Variants in TCF3 observed in about 807,000 individuals in gnomAD.
TCF3 encodes the protein transcription factor E2-alpha.
A neutral mutation model predicts 72.3 loss-of-function variants in TCF3; 54 were observed. The ratio of observed to expected loss-of-function variants is 0.75; its 90% CI spans 0.60 to 0.94. TCF3 has a LOEUF of 0.94. Ranked by LOEUF, TCF3 falls within the 40% of genes least tolerant of loss-of-function variation. The pLI is 0.00. For synonymous variants in TCF3, 525 were observed against 412.6 expected (o/e 1.27, Z -3.30); for missense variants, 1,078 against 934.4 (o/e 1.15, Z -2.00).
intron 3 of TCF3, among the ~76,000 whole-genome samples, chr19:1,641,915 T>A (rs867771120): frequency 2.6e-5 from 4 of 151,978 alleles, no homozygotes; most frequent in Non-Finnish European, 4.4e-5. Context: ...CATATTTTTT[T>A]AATTAGGTGG....
chr19:1,629,223 T>C (rs112650181), intron 5 of TCF3, among the ~76,000 whole-genome samples: 1 of 151,888 alleles, frequency 6.6e-6, no homozygotes, highest in African/African-American at 2.4e-5. Context: ...GCTGATGCCC[T>C]GGGGTGCTGG....
At chr19:1,644,647 G>A (rs1450323986) in intron 3 of TCF3, among the ~76,000 whole-genome samples, 2 of 152,188 alleles carry the variant, frequency 1.3e-5, no homozygotes, top group South Asian at 4.1e-4. Flanking sequence ...TGCTGGGACC[G>A]GGCTGGGCGT....
chr19:1,642,366 T>C (rs184513064), intron 3 of TCF3, among the ~76,000 whole-genome samples: 1 of 152,246 alleles, frequency 6.6e-6, no homozygotes, highest in East Asian at 1.9e-4. Flanking sequence ...GATCAGGATC[T>C]GTGGACGGCA....
At chr19:1,648,035 C>CTGT in intron 2 of TCF3, among the ~76,000 whole-genome samples, 1 of 152,200 alleles carries the variant, frequency 6.6e-6, no homozygotes, top group East Asian at 1.9e-4. Flanking sequence ...GCCTGGGACC[C>CTGT]AGGCAGGGCA....
chr19:1,646,099 C>T (rs1401446423), intron 3 of TCF3, among the ~76,000 whole-genome samples: 1 of 152,148 alleles, frequency 6.6e-6, no homozygotes, highest in Non-Finnish European at 1.5e-5. Flanking sequence ...CCCACCCAGC[C>T]CCCAGACCCA....
intron 9 of TCF3, 23 bp downstream of exon 9, chr19:1,622,290 C>T (rs772468093): frequency 1.5e-5 from 23 of 1,505,244 alleles, no homozygotes; most frequent in South Asian, 9.2e-5. Context: ...CCGTCCCTGG[C>T]GAGCCCCCGC....
Position 1,632,141 on chromosome 19 carries a change from G to A in TCF3, c.220-25C>T, listed in dbSNP as rs1171052179. 7 of 1,608,430 alleles carry A rather than the reference G, an allele frequency of 4.4e-6. No homozygotes were observed. In the Admixed American group the frequency reaches 1.0e-4, roughly 23 times the overall value. On this transcript the variant is annotated intron_variant, in intron 4 of 18. Coordinates refer to ENST00000262965, the MANE Select transcript of TCF3 (RefSeq NM_003200.5). ...TCTAGGGGAGATGGGGTGGGGATGA[G>A]AGGTGCTGGGGCTTCACAGGCCCCC... is the stretch of plus-strand genomic sequence containing the variant.
intron 1 of TCF3, 31 bp from the exon 2 acceptor site, chr19:1,650,318 G>A (rs746998727): frequency 1.4e-6 from 2 of 1,424,460 alleles, no homozygotes; most frequent in Non-Finnish European, 9.6e-7. Flanking sequence ...CAGATGGACA[G>A]GGAGAAACAG....
At chr19:1,636,907 A>C (rs1464785727) in intron 3 of TCF3, among the ~76,000 whole-genome samples, 2 of 152,130 alleles carry the variant, frequency 1.3e-5, no homozygotes, top group Non-Finnish European at 2.9e-5. Context: ...GAGCAGACAA[A>C]CCTGAGGCTG....
At position 1,621,125 on chromosome 19, in the gene TCF3, C is replaced by T. The variant is rs372607761; in HGVS notation, c.1014+8G>A. The T allele has an allele frequency of 8.6e-5, 133 of 1,539,406 alleles. No homozygotes were observed. Among genetic ancestry groups the T allele is most frequent in the Middle Eastern group, 5.0e-4 (3 of 5,958 alleles). On this transcript the variant is annotated splice_region_variant and intron_variant, in intron 12 of 18. Transcript: ENST00000262965. Reference sequence around the variant, plus strand: ...TTGCCTGGCCACCCCCCATGCCCCACGCCTCACCGAGGCCAGTGCTTTGCC... The same window carrying T: ...TTGCCTGGCCACCCCCCATGCCCCATGCCTCACCGAGGCCAGTGCTTTGCC...
At chr19:1,648,922 G>A (rs540751260) in intron 2 of TCF3, among the ~76,000 whole-genome samples, 2 of 151,948 alleles carry the variant, frequency 1.3e-5, no homozygotes, top group East Asian at 1.9e-4. Context: ...TGGCCCCACT[G>A]TACCAGCAGG....
intron 1 of TCF3, chr19:1,651,457 G>C (rs1014348150): frequency 4.4e-6 from 1 of 225,164 alleles, no homozygotes; most frequent in Non-Finnish European, 8.8e-6. Context: ...GACTTTTTTT[G>C]AGGACTACGA....
Position 1,614,472 on chromosome 19 carries a change from G to A in TCF3, c.1822+813C>T, listed in dbSNP as rs1206274301. On this transcript the variant is annotated intron_variant, in intron 18 of 18. Coordinates refer to ENST00000262965, the MANE Select transcript of TCF3 (RefSeq NM_003200.5). This position sits in a 1 kb window ranked among gnomAD's most constrained non-coding sequence, Gnocchi z 5.6. ...GAGGGACGGACGGGCGGGATGGAGG[G>A]GAGGGCGGAAGGCAGACAGCAGAGA... Among the ~76,000 whole-genome samples the A allele has an allele frequency of 6.6e-6, 1 of 152,208 alleles. No individual in the cohort carries two copies. The highest frequency in any genetic ancestry group is 6.5e-5 in the Admixed American group (1 of 15,282).
intron 14 of TCF3, 135 bp from the exon 15 acceptor site, chr19:1,619,609 C>T: frequency 2.9e-6 from 4 of 1,365,688 alleles, no homozygotes; most frequent in Non-Finnish European, 3.9e-6. Flanking sequence ...TGCCAGGCAT[C>T]TGGCGCCCGG....
intron 3 of TCF3, among the ~76,000 whole-genome samples, chr19:1,644,628 G>A (rs1485677665): frequency 6.6e-6 from 1 of 152,216 alleles, no homozygotes; most frequent in East Asian, 1.9e-4. Flanking sequence ...GCAAACATTG[G>A]CAGGTTCCTG....
chr19:1,630,537 T>A (rs2144822395), intron 5 of TCF3, among the ~76,000 whole-genome samples: 1 of 152,146 alleles, frequency 6.6e-6, no homozygotes, highest in East Asian at 1.9e-4. Context: ...AAGCCAACAA[T>A]GCCGAGGGGT....
rs1446315840 is a variant in TCF3 at position 1,614,119 on chromosome 19, A to G, written c.1822+1166T>C. Among the ~76,000 whole-genome samples the G allele has an allele frequency of 2.0e-5, 3 of 152,348 alleles. No individual in the cohort carries two copies. The highest frequency in any genetic ancestry group is 4.4e-5 in the Non-Finnish European group (3 of 68,028). On this transcript the variant is annotated intron_variant, in intron 18 of 18. Transcript: ENST00000262965. The surrounding 1 kb of genome is among the most constrained non-coding windows in gnomAD (Gnocchi z 5.6). ...GCACCCACTGCTCTAGGTTGTGGTG[A>G]AGATGAAATGGGTGAAGGTCTGGCC... is the stretch of plus-strand genomic sequence containing the variant.
chr19:1,644,814 C>T (rs558410195), intron 3 of TCF3, among the ~76,000 whole-genome samples: 1 of 150,524 alleles, frequency 6.6e-6, no homozygotes, highest in South Asian at 2.1e-4. Flanking sequence ...ACCCCACCCT[C>T]CCCACCAGGC....
rs140361937 is a variant in TCF3, at chr19:1,639,472, G to A, written c.145+6883C>T. On this transcript the variant is annotated intron_variant, in intron 3 of 18. Transcript: ENST00000262965. ...GAGAAACCGACAAACAGAACAGAGG[G>A]GGATGGCGCTGCTCTCAGCCTGACA... Among the ~76,000 whole-genome samples, 11 of 152,184 alleles carry A rather than the reference G, an allele frequency of 7.2e-5. No individual in the cohort carries two copies. In the East Asian group the frequency reaches 1.9e-3, roughly 27 times the overall value.
Sources: gnomAD v4.1 joint callset for allele counts (sites outside exome capture counted in the v4.1 genomes callset) on GRCh38, gnomAD v4.1.1 for gene constraint, Gnocchi (gnomAD v3.1) non-coding constraint, MANE v1.5 for transcripts, NCBI Gene and HGNC (gene_info 2026-07-23, HGNC 2026-07-21) for gene names.